SLC25A26: variants seen among roughly 807,000 people sequenced by gnomAD.
SLC25A26 encodes solute carrier family 25 member 26, also known as mitochondrial S-adenosylmethionine carrier protein.
SLC25A26 carries 36 observed loss-of-function variants against 37.8 expected under a neutral mutation model. That is an observed-to-expected ratio of 0.95 (90% confidence interval 0.73 to 1.26). SLC25A26 has a LOEUF of 1.26. Among genes scored for constraint, SLC25A26 ranks in the 50% most tolerant of loss-of-function variants. The pLI, the probability that SLC25A26 is intolerant of heterozygous loss-of-function variation, is 0.00. For synonymous variants in SLC25A26, 129 were observed against 122.5 expected, an observed-to-expected ratio of 1.05 and a Z score of -0.35; for missense variants, 390 against 331.1, an observed-to-expected ratio of 1.18 and a Z score of -1.38.
chr3:66,339,036 C>T (rs193004604), intron 5 of SLC25A26, among the ~76,000 whole-genome samples: 73 of 152,090 alleles, frequency 4.8e-4, no homozygotes, highest in African/African-American at 1.4e-3. Flanking sequence ...GGCTGGGATG[C>T]AAGTGTCTGT....
intron 1 of SLC25A26, among the ~76,000 whole-genome samples, chr3:66,231,654 T>C (rs2072037751): frequency 6.6e-6 from 1 of 152,196 alleles, no homozygotes; most frequent in Admixed American, 6.5e-5. Flanking sequence ...ATACAAATAG[T>C]TACACATTTT....
intron 1 of SLC25A26, among the ~76,000 whole-genome samples, chr3:66,227,188 A>G (rs1448874061): frequency 6.6e-6 from 1 of 152,142 alleles, no homozygotes; most frequent in Non-Finnish European, 1.5e-5. Context: ...TTTCATCACA[A>G]CTACTTTCCT....
rs1379958045 is a variant in SLC25A26, at chr3:66,352,421, G to GTTTT, written c.498+6016_498+6019dup. On this transcript the variant is annotated intron_variant, in intron 6 of 9. Transcript: ENST00000354883. ...GTGCTGCTGCCTAGCGCCTCCCCTC[G>GTTTT]TTTTTTGTTTTTTGTTTTTTGTTTT... 1.5e-3 allele frequency among the ~76,000 whole-genome samples: 185 copies of GTTTT among 126,514 alleles called. 13 individuals are homozygous for GTTTT. The highest frequency in any genetic ancestry group is 6.4e-3 in the African/African-American group (173 of 26,924). 83.0% of individuals were successfully genotyped at this position (126,514 alleles called of 152,430 possible). A position where few individuals can be genotyped will look rare whatever the true frequency, so the allele number is the denominator to read the frequency against.
chr3:66,298,687 A>G (rs1312635092), intron 5 of SLC25A26, among the ~76,000 whole-genome samples: 2 of 152,228 alleles, frequency 1.3e-5, no homozygotes, highest in South Asian at 2.1e-4. Flanking sequence ...AAAAGCTGCT[A>G]GAAATGAGCA....
intron 1 of SLC25A26, among the ~76,000 whole-genome samples, chr3:66,233,639 T>C (rs1173815333): frequency 6.6e-6 from 1 of 152,196 alleles, no homozygotes; most frequent in African/African-American, 2.4e-5. Flanking sequence ...ATCTGAAATA[T>C]GTGGTTGTGT....
chr3:66,195,236 C>A (rs926820708), intron 1 of SLC25A26, among the ~76,000 whole-genome samples: 14 of 152,220 alleles, frequency 9.2e-5, no homozygotes, highest in Non-Finnish European at 1.8e-4. Flanking sequence ...GGGCAGGACT[C>A]ACCGTTGCTA....
At chr3:66,141,050 G>A (rs2070025990) in intron 1 of SLC25A26, among the ~76,000 whole-genome samples, 1 of 148,434 alleles carries the variant, frequency 6.7e-6, no homozygotes, top group African/African-American at 2.5e-5. Context: ...ATAGAAACAG[G>A]ACACACACAC....
chr3:66,355,512 G>A (rs1162844844), intron 6 of SLC25A26, among the ~76,000 whole-genome samples: 3 of 152,036 alleles, frequency 2.0e-5, no homozygotes, highest in East Asian at 3.9e-4. Context: ...ATTCATTTTA[G>A]CCTTTTAGCC....
upstream of SLC25A26, chr3:66,220,776 C>G: frequency 2.2e-6 from 1 of 461,220 alleles, no homozygotes; most frequent in Non-Finnish European, 3.8e-6. Context: ...TACCGCTGCT[C>G]TCTCCTGGAT....
chr3:66,344,017 G>C (rs1158079909), intron 5 of SLC25A26, among the ~76,000 whole-genome samples: 2 of 152,140 alleles, frequency 1.3e-5, no homozygotes, highest in African/African-American at 4.8e-5. Context: ...AAACTTCTCT[G>C]AGATTCTAGC....
At chr3:66,253,458 C>A (rs2073176114) in intron 3 of SLC25A26, among the ~76,000 whole-genome samples, 1 of 151,430 alleles carries the variant, frequency 6.6e-6, no homozygotes, top group South Asian at 2.1e-4. Flanking sequence ...CCACGTGGGC[C>A]CAGTCTAATC....
chr3:66,265,876 G>A (rs545310138), intron 5 of SLC25A26, among the ~76,000 whole-genome samples: 83 of 152,334 alleles, frequency 5.4e-4, no homozygotes, highest in African/African-American at 1.9e-3. Flanking sequence ...GATTTCACCT[G>A]GGTGCAGGAC....
chr3:66,376,506 A>G (rs1467956913), intron 9 of SLC25A26, among the ~76,000 whole-genome samples: 1 of 152,216 alleles, frequency 6.6e-6, no homozygotes, highest in African/African-American at 2.4e-5. Context: ...GAAGATTACA[A>G]TTTACTGCAG....
At chr3:66,364,761 A>C (rs2076789068) in intron 7 of SLC25A26, among the ~76,000 whole-genome samples, 1 of 152,212 alleles carries the variant, frequency 6.6e-6, no homozygotes, top group Non-Finnish European at 1.5e-5. Flanking sequence ...GATTGAGTGA[A>C]GGAATGTCAT....
intron 9 of SLC25A26, 128 bp from the exon 10 acceptor site, chr3:66,377,562 C>T (rs557429500): frequency 4.7e-6 from 3 of 631,632 alleles, no homozygotes; most frequent in Admixed American, 2.6e-5. Flanking sequence ...TATTTGGGAG[C>T]GTTCACAAGC....
chr3:66,347,852 A>G (rs967320077), intron 6 of SLC25A26, among the ~76,000 whole-genome samples: 7 of 152,202 alleles, frequency 4.6e-5, no homozygotes, highest in African/African-American at 1.2e-4. Context: ...GGAAGCCATT[A>G]TCCTCAGCAA....
intron 1 of SLC25A26, among the ~76,000 whole-genome samples, chr3:66,182,035 A>G (rs1576619376): frequency 1.3e-5 from 2 of 152,248 alleles, no homozygotes; most frequent in African/African-American, 4.8e-5. Flanking sequence ...TTTCAAGGAT[A>G]TATTATAAAT....
At position 66,371,114 on chromosome 3, in the gene SLC25A26, T is replaced by C. The variant is rs1038027955; in HGVS notation, c.707+512T>C. 2.8e-6 allele frequency: 4 copies of C among 1,411,460 alleles called. No homozygotes were observed. The African/African-American group carries it at 4.4e-5, about 15-fold the overall frequency. 87.4% of individuals were successfully genotyped at this position (1,411,460 alleles called of 1,614,324 possible). A position where few individuals can be genotyped will look rare whatever the true frequency, so the allele number is the denominator to read the frequency against. On this transcript the variant is annotated intron_variant, in intron 9 of 9. Transcript: ENST00000354883. ...TGTCCTAAAAGCTCTCTCTGCAAGA[T>C]TAAAACATTGCTTTGACACCATAAA...
chr3:66,298,996 T>C (rs867950782), intron 5 of SLC25A26, among the ~76,000 whole-genome samples: 1 of 152,162 alleles, frequency 6.6e-6, no homozygotes, highest in African/African-American at 2.4e-5. Flanking sequence ...AAAAACTCAG[T>C]GTGTAAACTT....
Sources: allele counts gnomAD v4.1 joint callset (sites outside exome capture counted in the v4.1 genomes callset), GRCh38; gene constraint gnomAD v4.1.1; transcripts MANE v1.5; gene names NCBI Gene and HGNC (gene_info 2026-07-23, HGNC 2026-07-21).